PCDHGB3: variants seen among roughly 807,000 people sequenced by gnomAD.
PCDHGB3 encodes protocadherin gamma subfamily B, 3, also known as protocadherin gamma-B3.
A neutral mutation model predicts 59.2 loss-of-function variants in PCDHGB3; 40 were observed. That is an observed-to-expected ratio of 0.68 (90% CI 0.52 to 0.88). The LOEUF (loss-of-function observed/expected upper bound fraction) is 0.88. PCDHGB3 is among the 40% of genes least tolerant of loss of function. PCDHGB3 has a pLI of 0.00. For synonymous variants in PCDHGB3, 581 were observed against 503.6 expected, an observed-to-expected ratio of 1.15 and a Z score of -2.06; for missense variants, 1,309 against 1,187.9, an observed-to-expected ratio of 1.10 and a Z score of -1.50.
Position 141,490,799 on chromosome 5 carries a change from G to A in PCDHGB3, c.2416-4008G>A, listed in dbSNP as rs757092044. On this transcript the variant is annotated intron_variant, in intron 1 of 3. Coordinates refer to ENST00000576222, the MANE Select transcript of PCDHGB3 (RefSeq NM_018924.5). The surrounding 1 kb of genome is among the most constrained non-coding windows in gnomAD (Gnocchi z 5.4). ...GAGGATGGACGGATCTTTGCCCAGC[G>A]TACCTTTGACTATGAATTGCTGCAG... is the stretch of plus-strand genomic sequence containing the variant. 2.7e-5 allele frequency: 43 copies of A among 1,613,888 alleles called. No individual in the cohort carries two copies. Among genetic ancestry groups the A allele is most frequent in the Middle Eastern group, 3.3e-4 (2 of 6,062 alleles).
chr5:141,499,012 G>GGAAGGAAT, intron 2 of PCDHGB3, among the ~76,000 whole-genome samples: 1 of 147,618 alleles, frequency 6.8e-6, no homozygotes. Context: ...AAGGAAGGAA[G>GGAAGGAAT]GAAGGAAGGA....
Position 141,432,292 on chromosome 5 carries a change from T to G in PCDHGB3, c.2415+59483T>G. 6.2e-7 allele frequency: 1 copy of G among 1,614,196 alleles called. No homozygotes were observed. The highest frequency in any genetic ancestry group is 8.5e-7 in the Non-Finnish European group (1 of 1,180,042). On this transcript the variant is annotated intron_variant, in intron 1 of 3. Transcript: ENST00000576222. This position sits in a 1 kb window ranked among gnomAD's most constrained non-coding sequence, Gnocchi z 6.0. Reference sequence around the variant, plus strand: ...CCTACGTGTCCATCAACTCCGACACTGGGGTACTGTATGCGCTGAGCTCCT... The same window carrying G: ...CCTACGTGTCCATCAACTCCGACACGGGGGTACTGTATGCGCTGAGCTCCT...
intron 1 of PCDHGB3, among the ~76,000 whole-genome samples, chr5:141,481,749 C>G (rs958851030): frequency 7.9e-5 from 12 of 151,976 alleles, no homozygotes; most frequent in African/African-American, 2.9e-4. Context: ...GTCAGGAGTC[C>G]AAGACCAGCC....
Position 141,432,124 on chromosome 5 carries a change from C to G in PCDHGB3, c.2415+59315C>G, listed in dbSNP as rs1286909667. On this transcript the variant is annotated intron_variant, in intron 1 of 3. Transcript: ENST00000576222. The surrounding 1 kb of genome is among the most constrained non-coding windows in gnomAD (Gnocchi z 6.0). ...ACAACCCGCCGGTCTTCCCTCAGGC[C>G]TCCTATTCCGCTTATATCCCAGAGA... 6.2e-7 allele frequency: 1 copy of G among 1,614,156 alleles called. No homozygotes were observed. The highest frequency in any genetic ancestry group is 1.1e-5 in the South Asian group (1 of 91,066).
chr5:141,409,130 G>T (rs1265386524), intron 1 of PCDHGB3: 1 of 1,613,994 alleles, frequency 6.2e-7, no homozygotes, highest in Admixed American at 1.7e-5. Context: ...ATTTGATTTT[G>T]AAGATGTAGA....
chr5:141,505,255 C>T (rs2099844853), intron 2 of PCDHGB3, 138 bp from the exon 3 acceptor site: 1 of 1,481,112 alleles, frequency 6.8e-7, no homozygotes, highest in Admixed American at 2.1e-5. Context: ...AGAAGTGCCT[C>T]CTACCTTGCT....
At chr5:141,404,623 C>T in intron 1 of PCDHGB3, 3 of 1,614,154 alleles carry the variant, frequency 1.9e-6, no homozygotes, top group Non-Finnish European at 2.5e-6. Context: ...ACCAGAATGA[C>T]AATGCCCCAG....
Position 141,512,554 on chromosome 5 carries a change from T to TAG in PCDHGB3, c.*1383_*1384dup, listed in dbSNP as rs2099884300. ...AAGTTCCCCAGTGCCTCCTTGTGCA[T>TAG]AGACCTTCTTCTCCCACCCCCTTCT... is the stretch of plus-strand genomic sequence containing the variant. On this transcript the variant is annotated 3_prime_UTR_variant, in exon 4 of 4. Coordinates refer to ENST00000576222, the MANE Select transcript of PCDHGB3 (RefSeq NM_018924.5). 6.5e-6 allele frequency: 1 copy of TAG among 153,012 alleles called. No homozygotes were observed. Among genetic ancestry groups the TAG allele is most frequent in the Non-Finnish European group, 1.5e-5 (1 of 68,482 alleles). 9.5% of individuals were successfully genotyped at this position (153,012 alleles called of 1,614,324 possible).
intron 1 of PCDHGB3, among the ~76,000 whole-genome samples, chr5:141,453,315 T>A (rs1410108522): frequency 6.6e-6 from 1 of 151,214 alleles, no homozygotes; most frequent in African/African-American, 2.5e-5. Context: ...TTATTTATTT[T>A]AGAGATGGGG....
intron 3 of PCDHGB3, among the ~76,000 whole-genome samples, chr5:141,506,444 CA>C (rs1219684339): frequency 0.54 from 51,660 of 95,006 alleles, 10,715 homozygotes; most frequent in African/African-American, 0.61. Context: ...CGCTCTGTCT[CA>C]AAAAAAAAAA....
chr5:141,485,949 T>C lies in PCDHGB3; in HGVS notation c.2416-8858T>C. Reference sequence around the variant, plus strand: ...GTGTTGGAGAGCGCACCAGCGGGCATGGTGCTCATCCAGCTCAATGCCTCA... The same window carrying C: ...GTGTTGGAGAGCGCACCAGCGGGCACGGTGCTCATCCAGCTCAATGCCTCA... On this transcript the variant is annotated intron_variant, in intron 1 of 3. Transcript: ENST00000576222. This position sits in a 1 kb window ranked among gnomAD's most constrained non-coding sequence, Gnocchi z 5.7. 2 of 1,614,178 alleles carry C rather than the reference T, an allele frequency of 1.2e-6. No individual in the cohort carries two copies.
chr5:141,404,392 T>A, intron 1 of PCDHGB3: 1 of 1,613,938 alleles, frequency 6.2e-7, no homozygotes, highest in Non-Finnish European at 8.5e-7. Context: ...ATGACCCTGA[T>A]AGCAATGAGA....
chr5:141,500,184 T>TTTTATTTA (rs58019021), intron 2 of PCDHGB3, among the ~76,000 whole-genome samples: 1,392 of 135,954 alleles, frequency 0.01, 12 homozygotes, highest in South Asian at 0.02. Flanking sequence ...TCATTTTTAT[T>TTTTATTTA]TTTATTTATT....
rs1302496204 is a variant in PCDHGB3, at chr5:141,413,214, T to A, written c.2415+40405T>A. On this transcript the variant is annotated intron_variant, in intron 1 of 3. Coordinates refer to ENST00000576222, the MANE Select transcript of PCDHGB3 (RefSeq NM_018924.5). ...GGAATCGCTCAAAGGAATCAAAGGA[T>A]TGCAGCGGGCTGGTCCTGCTCTGCC... 6 of 1,613,176 alleles carry A rather than the reference T, an allele frequency of 3.7e-6. No homozygotes were observed. The African/African-American group carries it at 8.0e-5, about 22-fold the overall frequency.
intron 1 of PCDHGB3, chr5:141,393,902 G>C: frequency 6.2e-7 from 1 of 1,613,968 alleles, no homozygotes; most frequent in Non-Finnish European, 8.5e-7. Flanking sequence ...CTCTTCCCGG[G>C]ACAGTAATTG....
intron 1 of PCDHGB3, among the ~76,000 whole-genome samples, chr5:141,453,710 A>C (rs988115758): frequency 3.9e-5 from 6 of 152,242 alleles, no homozygotes; most frequent in African/African-American, 1.4e-4. Context: ...GAACAGTTTC[A>C]CTATAAAAAT....
At chr5:141,394,618 C>T (rs1439211567) in intron 1 of PCDHGB3, 2 of 1,613,396 alleles carry the variant, frequency 1.2e-6, no homozygotes, top group African/African-American at 1.3e-5. Context: ...GGCCAGAACG[C>T]CTGGCTGTCC....
chr5:141,466,822 G>A (rs1396286898), intron 1 of PCDHGB3, among the ~76,000 whole-genome samples: 4 of 152,046 alleles, frequency 2.6e-5, no homozygotes. Flanking sequence ...GGTATAACAA[G>A]TTAGTATGGG....
intron 1 of PCDHGB3, chr5:141,383,917 G>A: frequency 6.2e-7 from 1 of 1,613,928 alleles, no homozygotes; most frequent in Non-Finnish European, 8.5e-7. Flanking sequence ...AGTTTTAGAT[G>A]TAAATGATAA....
Sources: allele counts gnomAD v4.1 joint callset (sites outside exome capture counted in the v4.1 genomes callset), GRCh38; gene constraint gnomAD v4.1.1; non-coding constraint Gnocchi (gnomAD v3.1); transcripts MANE v1.5; gene names NCBI Gene and HGNC (gene_info 2026-07-23, HGNC 2026-07-21).